NEGR1: variants seen among roughly 807,000 people sequenced by gnomAD.
NEGR1 encodes the protein IgLON family member 4.
A neutral mutation model predicts 40.9 loss-of-function variants in NEGR1; 10 were observed. The observed-to-expected ratio is 0.24, with a 90% CI of 0.15 to 0.42. The LOEUF (loss-of-function observed/expected upper bound fraction) is 0.42, where lower values mean the gene tolerates loss of function less well. Ranked by LOEUF, NEGR1 falls within the 10% of genes least tolerant of loss-of-function variation. The pLI is 1.00. For missense variants in NEGR1, 352 were observed against 438.9 expected (o/e 0.80, Z 1.77); for synonymous variants, 185 against 166.8 (o/e 1.11, Z -0.84).
chr1:71,941,393 A>ATATG (rs1169577998), intron 1 of NEGR1, among the ~76,000 whole-genome samples: 1 of 152,164 alleles, frequency 6.6e-6, no homozygotes. Flanking sequence ...TTCCTAGATA[A>ATATG]TATGTATGTA....
At chr1:71,823,496 C>T (rs978719676) in intron 2 of NEGR1, among the ~76,000 whole-genome samples, 17 of 151,918 alleles carry the variant, frequency 1.1e-4, no homozygotes, top group Admixed American at 4.6e-4. Flanking sequence ...AAAGAAAACA[C>T]GCTTTGCATT....
intron 1 of NEGR1, among the ~76,000 whole-genome samples, chr1:72,008,250 T>A (rs1196674083): frequency 1.3e-5 from 2 of 152,126 alleles, no homozygotes; most frequent in Non-Finnish European, 2.9e-5. Flanking sequence ...ATAAGTAGAT[T>A]AATCAAAGAA....
At chr1:72,170,257 C>T (rs367765958) in intron 1 of NEGR1, among the ~76,000 whole-genome samples, 5 of 152,220 alleles carry the variant, frequency 3.3e-5, no homozygotes, top group African/African-American at 1.2e-4. Flanking sequence ...ATATTTCAGG[C>T]CTTTCCTTAA....
chr1:71,444,638 G>A (rs921223763), intron 6 of NEGR1, among the ~76,000 whole-genome samples: 15 of 152,082 alleles, frequency 9.9e-5, no homozygotes, highest in African/African-American at 3.6e-4. Context: ...CTACTTTTCT[G>A]CTACTGCTGC....
Position 71,575,364 on chromosome 1 carries a change from A to G in NEGR1, c.940+17453T>C, listed in dbSNP as rs180760217. ...TGAGGGCACAGACAAGACTAAGGGT[A>G]TTGCCCTTCCAACCAACCACAGCAG... On this transcript the variant is annotated intron_variant, in intron 6 of 6. Coordinates refer to ENST00000357731, the MANE Select transcript of NEGR1 (RefSeq NM_173808.3). Among the ~76,000 whole-genome samples, 73 of 152,340 alleles carry G rather than the reference A, an allele frequency of 4.8e-4. 1 individual carries two copies. The East Asian group carries it at 0.013, about 27-fold the overall frequency.
At chr1:71,552,926 T>A (rs1243794922) in intron 6 of NEGR1, among the ~76,000 whole-genome samples, 1 of 151,544 alleles carries the variant, frequency 6.6e-6, no homozygotes, top group Non-Finnish European at 1.5e-5. Context: ...AAAAGACATT[T>A]CTTTGCATTT....
At chr1:72,005,431 A>C (rs1646598316) in intron 1 of NEGR1, among the ~76,000 whole-genome samples, 1 of 152,210 alleles carries the variant, frequency 6.6e-6, no homozygotes, top group Non-Finnish European at 1.5e-5. Context: ...AATGACTTCC[A>C]TCTATATATT....
At chr1:71,806,711 T>C (rs1329919035) in intron 2 of NEGR1, among the ~76,000 whole-genome samples, 1 of 152,126 alleles carries the variant, frequency 6.6e-6, no homozygotes, top group Non-Finnish European at 1.5e-5. Context: ...AATCTTATTC[T>C]AATAAAAATT....
chr1:72,016,741 T>C (rs1557485183), intron 1 of NEGR1, among the ~76,000 whole-genome samples: 1 of 152,162 alleles, frequency 6.6e-6, no homozygotes. Flanking sequence ...ACTGCTCTTA[T>C]CTCAGAGGGA....
At chr1:71,860,198 T>TA (rs35933746) in intron 2 of NEGR1, among the ~76,000 whole-genome samples, 92 of 146,530 alleles carry the variant, frequency 6.3e-4, no homozygotes, top group Admixed American at 1.2e-3. Context: ...TCTCATCATT[T>TA]AAAAAAAAAA....
At chr1:71,753,593 C>G (rs891362906) in intron 3 of NEGR1, among the ~76,000 whole-genome samples, 3 of 152,114 alleles carry the variant, frequency 2.0e-5, no homozygotes, top group Non-Finnish European at 4.4e-5. Context: ...ATCACTGATA[C>G]CAAGACTGTC....
intron 6 of NEGR1, among the ~76,000 whole-genome samples, chr1:71,470,810 G>C (rs1241597404): frequency 6.6e-6 from 1 of 152,112 alleles, no homozygotes; most frequent in Non-Finnish European, 1.5e-5. Flanking sequence ...TAGTCATTCA[G>C]ATTTAAAATT....
intron 2 of NEGR1, among the ~76,000 whole-genome samples, chr1:71,871,501 T>C (rs1460768135): frequency 1.3e-5 from 2 of 152,190 alleles, no homozygotes; most frequent in Non-Finnish European, 1.5e-5. Context: ...CCAGTTGTGG[T>C]GGTCACTTAA....
chr1:71,781,549 A>T (rs1267309943), intron 2 of NEGR1, among the ~76,000 whole-genome samples: 1 of 152,192 alleles, frequency 6.6e-6, no homozygotes, highest in African/African-American at 2.4e-5. Flanking sequence ...TGTCTTTAGG[A>T]TGCCAGGGCT....
intron 2 of NEGR1, among the ~76,000 whole-genome samples, chr1:71,919,463 C>A (rs1557433708): frequency 1.3e-5 from 2 of 148,404 alleles, no homozygotes; most frequent in African/African-American, 5.0e-5. Context: ...ATTAGCTAAT[C>A]TTTTTTGTCT....
chr1:71,647,726 C>T (rs1430867236), intron 4 of NEGR1, among the ~76,000 whole-genome samples: 1 of 151,924 alleles, frequency 6.6e-6, no homozygotes, highest in Non-Finnish European at 1.5e-5. Flanking sequence ...TGACTAATGT[C>T]ACTATTTGCA....
intron 2 of NEGR1, among the ~76,000 whole-genome samples, chr1:71,894,699 C>T (rs1287319468): frequency 6.6e-6 from 1 of 152,208 alleles, no homozygotes; most frequent in Non-Finnish European, 1.5e-5. Flanking sequence ...ACTTGTCAAT[C>T]CTTCTTTAAC....
rs767134486 is a variant in NEGR1, at chr1:71,698,052, T to A, written c.623A>T (p.Asp208Val). 77 of 1,611,452 alleles carry A rather than the reference T, an allele frequency of 4.8e-5. No homozygotes were observed. Among genetic ancestry groups the A allele is most frequent in the Non-Finnish European group, 6.0e-5 (71 of 1,178,234 alleles). The change falls in exon 4 of 7, where the codon GAT becomes GTT. Residue 208 changes from aspartate (D) to valine (V), a missense_variant. Around this residue, in one of 5 missense-constraint regions of NEGR1, gnomAD observed 184 missense variants for 208.7 expected, o/e 0.88. Coordinates refer to ENST00000357731, the MANE Select transcript of NEGR1 (RefSeq NM_173808.3). ...TTTCCTCACATCTGGGAATGACACA[T>A]CATTTTCCGCACTGCATTCATATTC... is the stretch of plus-strand genomic sequence containing the variant. Reference protein sequence around the residue: ...AGEYECSAENDVSFPDVRKVK... With the variant: ...AGEYECSAENVVSFPDVRKVK...
intron 1 of NEGR1, among the ~76,000 whole-genome samples, chr1:72,108,420 T>C (rs542898440): frequency 6.6e-6 from 1 of 151,686 alleles, no homozygotes; most frequent in African/African-American, 2.4e-5. Context: ...CTGGCAAATA[T>C]GACATATATG....
Sources: gnomAD v4.1 joint callset for allele counts (sites outside exome capture counted in the v4.1 genomes callset) on GRCh38, gnomAD v4.1.1 for gene constraint, gnomAD v4.1.1 regional missense constraint, MANE v1.5 for transcripts, NCBI Gene and HGNC (gene_info 2026-07-23, HGNC 2026-07-21) for gene names.